GOLGA5: variants seen among roughly 807,000 people sequenced by gnomAD.
The protein encoded by GOLGA5 is golgin subfamily A member 5.
GOLGA5 carries 50 observed loss-of-function variants against 93.5 expected under a neutral mutation model. The ratio of observed to expected loss-of-function variants is 0.53; its 90% CI spans 0.43 to 0.68. The LOEUF is 0.68. Among genes scored for constraint, GOLGA5 ranks in the 30% least tolerant of loss-of-function variants. GOLGA5 has a pLI of 0.00. For synonymous variants in GOLGA5, 312 were observed against 304.5 expected (o/e 1.02, Z -0.26); for missense variants, 760 against 856.4 (o/e 0.89, Z 1.40).
intron 2 of GOLGA5, among the ~76,000 whole-genome samples, chr14:92,800,617 T>G (rs980440201): frequency 6.6e-6 from 1 of 152,244 alleles, no homozygotes; most frequent in Non-Finnish European, 1.5e-5. Flanking sequence ...TGTGTGTTGT[T>G]AATTTAAAAA....
At chr14:92,832,919 A>AT (rs773114933) in intron 9 of GOLGA5, among the ~76,000 whole-genome samples, 2 of 152,118 alleles carry the variant, frequency 1.3e-5, no homozygotes, top group Non-Finnish European at 2.9e-5. Flanking sequence ...ATTCTATTAC[A>AT]TTTTCTAAAA....
chr14:92,797,609 C>T lies in GOLGA5; in HGVS notation c.172C>T (p.Pro58Ser). ...TACAGATTTGATATATCAGACTGGA[C>T]CTAAATCTACGTATATTTCATCAGC... ...QNTDLIYQTG[P>S]KSTYISSAAD... is the part of the protein sequence containing the mutation. The change falls in exon 2 of 13, where the codon CCT becomes TCT. Residue 58 changes from proline to serine, a missense_variant. Physicochemically the swap from Pro to Ser is moderately conservative, Grantham distance 74 (BLOSUM62 -1). Coordinates refer to ENST00000163416, the MANE Select transcript of GOLGA5 (RefSeq NM_005113.4). 1 of 1,613,142 alleles carries T rather than the reference C, an allele frequency of 6.2e-7. No homozygotes were observed. Among genetic ancestry groups the T allele is most frequent in the Non-Finnish European group, 8.5e-7 (1 of 1,179,112 alleles).
At chr14:92,814,320 C>T (rs1236018940) in intron 6 of GOLGA5, among the ~76,000 whole-genome samples, 1 of 152,032 alleles carries the variant, frequency 6.6e-6, no homozygotes, top group African/African-American at 2.4e-5. Context: ...AGACTGATGC[C>T]ATCCAATGAA....
chr14:92,804,812 T>C (rs1884949198), intron 2 of GOLGA5, among the ~76,000 whole-genome samples: 1 of 73,582 alleles, frequency 1.4e-5, no homozygotes, highest in Non-Finnish European at 2.5e-5. Context: ...CCCGCCACCA[T>C]GCCCAGCTAA....
intron 2 of GOLGA5, among the ~76,000 whole-genome samples, chr14:92,800,331 G>A (rs1448415716): frequency 2.0e-5 from 3 of 152,250 alleles, no homozygotes; most frequent in Non-Finnish European, 1.5e-5. Context: ...TTTTTAGCTG[G>A]GTCTTAAAGA....
At chr14:92,806,662 C>A (rs1884992610) in intron 2 of GOLGA5, 74 bp from the exon 3 acceptor site, 2 of 973,858 alleles carry the variant, frequency 2.1e-6, no homozygotes, top group African/African-American at 3.2e-5. Context: ...ACTTGAGCAT[C>A]CTACCAAAGC....
At position 92,811,554 on chromosome 14, in the gene GOLGA5, G is replaced by A. The variant is rs142273431; in HGVS notation, c.1120G>A (p.Glu374Lys). Residue 374 changes from glutamate to lysine, a missense_variant, in exon 6 of 13, where the codon GAG (glutamate) becomes AAG (lysine). By Grantham distance (56) the Glu-to-Lys change is moderately conservative (BLOSUM62 1). Coordinates refer to ENST00000163416, the MANE Select transcript of GOLGA5 (RefSeq NM_005113.4). ...EQESYKQMQS[E>K]FAARLNKVEM... ...ATGATATAAAAATTTGTCACAGAGCGAGTTTGCTGCACGCCTTAATAAAGT... is the reference window on the plus strand; with the variant it reads ...ATGATATAAAAATTTGTCACAGAGCAAGTTTGCTGCACGCCTTAATAAAGT... 5,674 of 1,601,898 alleles carry A rather than the reference G, an allele frequency of 3.5e-3. 12 individuals are homozygous for A. The highest frequency in any genetic ancestry group is 4.5e-3 in the Non-Finnish European group (5,237 of 1,169,038).
At position 92,809,142 on chromosome 14, in the gene GOLGA5, A is replaced by G. The variant is rs1182701143; in HGVS notation, c.773-158A>G. On this transcript the variant is annotated intron_variant, in intron 3 of 12. Coordinates refer to ENST00000163416, the MANE Select transcript of GOLGA5 (RefSeq NM_005113.4). Reference sequence around the variant, plus strand: ...CTAGCTGTGAATATTGCCCTTGAAAAGTGGATGACCCTTTGGGGCAAAGAA... The same window carrying G: ...CTAGCTGTGAATATTGCCCTTGAAAGGTGGATGACCCTTTGGGGCAAAGAA... Among the ~76,000 whole-genome samples, 5 of 152,202 alleles carry G rather than the reference A, an allele frequency of 3.3e-5. 1 individual carries two copies. Among genetic ancestry groups the G allele is most frequent in the Admixed American group, 2.6e-4 (4 of 15,280 alleles).
chr14:92,811,867 T>C, intron 6 of GOLGA5, 113 bp downstream of exon 6: 1 of 750,898 alleles, frequency 1.3e-6, no homozygotes. Flanking sequence ...TCTGATTGGC[T>C]AGCTTTAGGT....
intron 9 of GOLGA5, among the ~76,000 whole-genome samples, chr14:92,826,425 A>G (rs1223222521): frequency 6.6e-6 from 1 of 151,656 alleles, no homozygotes; most frequent in Admixed American, 6.6e-5. Flanking sequence ...ATGTTTTTTC[A>G]TTTTTCACAC....
chr14:92,797,605 T>C lies in GOLGA5; in HGVS notation c.168T>C (p.Thr56=). 5.6e-6 allele frequency: 9 copies of C among 1,613,478 alleles called. No homozygotes were observed. Among genetic ancestry groups the C allele is most frequent in the Non-Finnish European group, 7.6e-6 (9 of 1,179,378 alleles). Residue 56 remains threonine (T), a synonymous_variant, in exon 2 of 13, where the codon ACT becomes ACC. Transcript: ENST00000163416. ...HQQNTDLIYQ[T]GPKSTYISSA... is the part of the protein sequence containing the mutation. ...AAAATACAGATTTGATATATCAGAC[T>C]GGACCTAAATCTACGTATATTTCAT...
chr14:92,839,815 G>T lies in GOLGA5; in HGVS notation c.*369G>T, dbSNP rs547103230. 8 of 206,872 alleles carry T rather than the reference G, an allele frequency of 3.9e-5. No individual in the cohort carries two copies. The East Asian group carries it at 4.1e-4, about 11-fold the overall frequency. The allele number at this position is 206,872 out of a possible 1,614,324, so 12.8% of individuals were successfully genotyped here. ...TTGTATTTAGTGACAAAAATAAAAA[G>T]TTTTTTTTTATAATTCAGTCTGCTT... On this transcript the variant is annotated 3_prime_UTR_variant, in exon 13 of 13. Coordinates refer to ENST00000163416, the MANE Select transcript of GOLGA5 (RefSeq NM_005113.4).
In GOLGA5 at chr14:92,811,818, A is replaced by G. The variant is rs10137671; in HGVS notation, c.1320+64A>G. 6,384 of 1,148,514 alleles carry G rather than the reference A, an allele frequency of 5.6e-3. 137 individuals carry two copies. In the African/African-American group the frequency reaches 0.059, roughly 11 times the overall value. The allele number at this position is 1,148,514 out of a possible 1,614,324, so 71.1% of individuals were successfully genotyped here. A position where few individuals can be genotyped will look rare whatever the true frequency, so the allele number is the denominator to read the frequency against. ...CAAGTTAACTGAAAGGCAATTTGAG[A>G]CTGTGTAGATACTGTGTGAGGTGCT... On this transcript the variant is annotated intron_variant, in intron 6 of 12. Coordinates refer to ENST00000163416, the MANE Select transcript of GOLGA5 (RefSeq NM_005113.4).
At chr14:92,815,901 T>C (rs1339646396) in intron 6 of GOLGA5, among the ~76,000 whole-genome samples, 2 of 151,848 alleles carry the variant, frequency 1.3e-5, no homozygotes, top group Non-Finnish European at 2.9e-5. Context: ...GAGACGGGGT[T>C]TCACCATATT....
intron 11 of GOLGA5, among the ~76,000 whole-genome samples, chr14:92,836,650 T>G (rs1218576636): frequency 6.6e-6 from 1 of 152,206 alleles, no homozygotes; most frequent in South Asian, 2.1e-4. Flanking sequence ...TTTAGAAGCA[T>G]GTATCTATAC....
chr14:92,802,639 TATC>T (rs1475452130), intron 2 of GOLGA5, among the ~76,000 whole-genome samples: 1 of 151,970 alleles, frequency 6.6e-6, no homozygotes, highest in East Asian at 1.9e-4. Flanking sequence ...TTTGAGGTTT[TATC>T]ATGTTGAATT....
chr14:92,823,783 G>A (rs1385807362), intron 8 of GOLGA5, among the ~76,000 whole-genome samples: 1 of 151,978 alleles, frequency 6.6e-6, no homozygotes, highest in East Asian at 1.9e-4. Flanking sequence ...TTTAAAAAAA[G>A]CAGCTTTTGT....
In GOLGA5 at chr14:92,797,453, G is replaced by A; in HGVS notation, c.16G>A (p.Asp6Asn). 1.2e-5 allele frequency: 20 copies of A among 1,606,562 alleles called. No individual in the cohort carries two copies. Among genetic ancestry groups the A allele is most frequent in the Non-Finnish European group, 1.7e-5 (20 of 1,177,196 alleles). Reference sequence around the variant, plus strand: ...TGCTGCCATCATGTCTTGGTTTGTTGATCTTGCTGGAAAGGCAGAAGATCT... The same window carrying A: ...TGCTGCCATCATGTCTTGGTTTGTTAATCTTGCTGGAAAGGCAGAAGATCT... MSWFV[D>N]LAGKAEDLLN... Residue 6 changes from aspartate to asparagine, a missense_variant, in exon 2 of 13, where the codon GAT (aspartate) becomes AAT (asparagine). Transcript: ENST00000163416.
intron 2 of GOLGA5, among the ~76,000 whole-genome samples, chr14:92,800,448 A>C (rs1330947451): frequency 6.6e-6 from 1 of 152,234 alleles, no homozygotes; most frequent in South Asian, 2.1e-4. Flanking sequence ...AGTTGGAAAC[A>C]CTGAGTGAGT....
Sources: allele counts gnomAD v4.1 joint callset (sites outside exome capture counted in the v4.1 genomes callset), GRCh38; gene constraint gnomAD v4.1.1; transcripts MANE v1.5; gene names NCBI Gene and HGNC (gene_info 2026-07-23, HGNC 2026-07-21).